The following DERA variants were observed in gnomAD, a reference collection of about 807,000 sequenced individuals.
The protein encoded by DERA is 2-deoxy-D-ribose 5-phosphate aldolase.
A neutral mutation model predicts 41.1 loss-of-function variants in DERA; 15 were observed. That is an observed-to-expected ratio of 0.37 (90% CI 0.24 to 0.56). The LOEUF is 0.56. Among genes scored for constraint, DERA ranks in the 20% least tolerant of loss-of-function variants. The pLI, the probability that DERA is intolerant of heterozygous loss-of-function variation, is 0.81. For missense variants in DERA, 396 were observed against 403.4 expected (o/e 0.98, Z 0.16); for synonymous variants, 139 against 137.4 (o/e 1.01, Z -0.08).
At position 15,928,909 on chromosome 12, in the gene DERA, G is replaced by T. The variant is rs1001529309; in HGVS notation, c.31+17495G>T. Among the ~76,000 whole-genome samples the T allele has an allele frequency of 6.6e-6, 1 of 152,146 alleles. No homozygotes were observed. Among genetic ancestry groups the T allele is most frequent in the African/African-American group, 2.4e-5 (1 of 41,426 alleles). On this transcript the variant is annotated intron_variant, in intron 1 of 8. Coordinates refer to ENST00000428559, the MANE Select transcript of DERA (RefSeq NM_015954.4). This position sits in a 1 kb window ranked among gnomAD's most constrained non-coding sequence, Gnocchi z 4.6. The stretch of plus-strand genomic sequence containing the variant: ...TGTCCATCATGGTTTTTGTACACTT[G>T]ACCTTACTTTTCTCAGCCTTCTAGA...
Position 15,962,887 on chromosome 12 carries a change from G to C in DERA, c.448G>C (p.Gly150Arg), listed in dbSNP as rs761420583. Residue 150 changes from glycine to arginine, a missense_variant, in exon 5 of 9, where the codon GGA becomes CGA. Transcript: ENST00000428559. Reference sequence around the variant, plus strand: ...AGAGATCAGATTGGCTGTGGAAGATGGAGCTACAGAAATCGACGTGGTAAT... The same window carrying C: ...AGAGATCAGATTGGCTGTGGAAGATCGAGCTACAGAAATCGACGTGGTAAT... ...LEEIRLAVED[G>R]ATEIDVVINR... 5 of 1,591,486 alleles carry C rather than the reference G, an allele frequency of 3.1e-6. No individual in the cohort carries two copies. In the Admixed American group the frequency reaches 8.8e-5, roughly 28 times the overall value.
Position 16,032,599 on chromosome 12 carries a change from T to A in DERA, c.695T>A (p.Val232Glu). ...GAAACAGTAAATGCCACCTTCCCGG[T>A]AGCTATAGTAATGCTGCGGGCCATT... ...GKETVNATFPVAIVMLRAIRD... is the reference protein window; with the variant it reads ...GKETVNATFPEAIVMLRAIRD... The change falls in exon 7 of 9, where the codon GTA (valine) becomes GAA (glutamate). Residue 232 changes from valine (V) to glutamate (E), a missense_variant. By Grantham distance (121) the Val-to-Glu change is moderately radical. Coordinates refer to ENST00000428559, the MANE Select transcript of DERA (RefSeq NM_015954.4). 1 of 1,567,692 alleles carries A rather than the reference T, an allele frequency of 6.4e-7. No homozygotes were observed. The highest frequency in any genetic ancestry group is 1.9e-5 in the Admixed American group (1 of 53,160).
In DERA at chr12:15,998,410, C is replaced by T. The variant is rs191545674; in HGVS notation, c.637+15974C>T. ...TTGGCTCACGGCAACCTCCGCCTTC[C>T]GGGTTCAAGCAGTTCTCCCGCCTCA... On this transcript the variant is annotated intron_variant, in intron 6 of 8. Transcript: ENST00000428559. This position sits in a 1 kb window ranked among gnomAD's most constrained non-coding sequence, Gnocchi z 4.8. Among the ~76,000 whole-genome samples, 260 of 152,188 alleles carry T rather than the reference C, an allele frequency of 1.7e-3. 2 individuals carry two copies. The highest frequency in any genetic ancestry group is 3.1e-3 in the Non-Finnish European group (209 of 68,022).
rs188763555 is a variant in DERA, at chr12:16,003,347, T to C, written c.637+20911T>C. Among the ~76,000 whole-genome samples the C allele has an allele frequency of 3.3e-5, 5 of 152,320 alleles. No homozygotes were observed. The East Asian group carries it at 5.8e-4, about 18-fold the overall frequency. On this transcript the variant is annotated intron_variant, in intron 6 of 8. Coordinates refer to ENST00000428559, the MANE Select transcript of DERA (RefSeq NM_015954.4). This position sits in a 1 kb window ranked among gnomAD's most constrained non-coding sequence, Gnocchi z 4.8. ...CTAATTATATCTGCAAGCACCCAGG[T>C]TCCAAATAAGGTCACATTCTTACAT...
In DERA at chr12:15,928,178, A is replaced by T. The variant is rs1776658652; in HGVS notation, c.31+16764A>T. On this transcript the variant is annotated intron_variant, in intron 1 of 8. Coordinates refer to ENST00000428559, the MANE Select transcript of DERA (RefSeq NM_015954.4). This position sits in a 1 kb window ranked among gnomAD's most constrained non-coding sequence, Gnocchi z 4.6. Reference sequence around the variant, plus strand: ...TACTCTCTTAGCCGTTTTGAAACATACATGAGTATTAACTGTAGCTACCAT... The same window carrying T: ...TACTCTCTTAGCCGTTTTGAAACATTCATGAGTATTAACTGTAGCTACCAT... Among the ~76,000 whole-genome samples the T allele has an allele frequency of 6.6e-6, 1 of 152,236 alleles. No homozygotes were observed. The highest frequency in any genetic ancestry group is 2.1e-4 in the South Asian group (1 of 4,830).
Position 16,036,760 on chromosome 12 carries a change from T to A in DERA, c.*14T>A, listed in dbSNP as rs2290979. The A allele has an allele frequency of 0.063, 98,083 of 1,559,114 alleles. 5,819 individuals carry two copies. Among genetic ancestry groups the A allele is most frequent in the East Asian group, 0.36 (15,370 of 42,724 alleles). On this transcript the variant is annotated 3_prime_UTR_variant, in exon 9 of 9. Coordinates refer to ENST00000428559, the MANE Select transcript of DERA (RefSeq NM_015954.4). This position sits in a 1 kb window ranked among gnomAD's most constrained non-coding sequence, Gnocchi z 4.9. The stretch of plus-strand genomic sequence containing the variant: ...CCAATGTCTTAAATCAGTCACCAGT[T>A]CCAGAAAAGTTCTTTACGACAATGT...
intron 1 of DERA, among the ~76,000 whole-genome samples, chr12:15,932,377 A>C (rs1012476956): frequency 1.3e-5 from 2 of 152,174 alleles, no homozygotes; most frequent in African/African-American, 4.8e-5. Flanking sequence ...TTGGCTGGAC[A>C]TGGTGGCTCA....
chr12:15,911,379 G>A lies in DERA; in HGVS notation c.-5G>A. 3 of 1,403,532 alleles carry A rather than the reference G, an allele frequency of 2.1e-6. No homozygotes were observed. The highest frequency in any genetic ancestry group is 3.1e-5 in the South Asian group (2 of 63,502). The allele number at this position is 1,403,532 out of a possible 1,614,324, so 86.9% of individuals were successfully genotyped here. The stretch of plus-strand genomic sequence containing the variant: ...CCAGCCGGCAGCTCCGGAGCTGCCC[G>A]CGCCATGTCCGCGCACAATCGGGGC... On this transcript the variant is annotated 5_prime_UTR_variant, in exon 1 of 9. Transcript: ENST00000428559. The surrounding 1 kb of genome is among the most constrained non-coding windows in gnomAD (Gnocchi z 4.5).
rs556384765 is a variant in DERA, at chr12:15,965,881, A to G, written c.508+2934A>G. 1.3e-5 allele frequency among the ~76,000 whole-genome samples: 2 copies of G among 151,868 alleles called. No individual in the cohort carries two copies. The highest frequency in any genetic ancestry group is 3.9e-4 in the East Asian group (2 of 5,148). On this transcript the variant is annotated intron_variant, in intron 5 of 8. Transcript: ENST00000428559. This position sits in a 1 kb window ranked among gnomAD's most constrained non-coding sequence, Gnocchi z 4.1. ...TTCCCTCGACTGTGCTGTGGCTCTCATCTCCCCCTGCATTTTCAGAAGCCC... is the reference window on the plus strand; with the variant it reads ...TTCCCTCGACTGTGCTGTGGCTCTCGTCTCCCCCTGCATTTTCAGAAGCCC...
chr12:15,951,687 T>G lies in DERA; in HGVS notation c.32-5249T>G, dbSNP rs184904058. 7.7e-4 allele frequency among the ~76,000 whole-genome samples: 117 copies of G among 152,342 alleles called. 1 individual carries two copies. Among genetic ancestry groups the G allele is most frequent in the East Asian group, 1.9e-4 (1 of 5,184 alleles). ...AATATATAACGTGAGAAAGTAGGAA[T>G]ATAATCTTACCTCTGAAGAAAAACA... On this transcript the variant is annotated intron_variant, in intron 1 of 8. Coordinates refer to ENST00000428559, the MANE Select transcript of DERA (RefSeq NM_015954.4).
At position 15,943,649 on chromosome 12, in the gene DERA, CAT is replaced by C. The variant is rs1374977969; in HGVS notation, c.32-13286_32-13285del. Reference sequence around the variant, plus strand: ...TCCACGAATGATCCTACCTGTATAACATGTGCTGTATCTTGACATTTTCTATT... The same window carrying C: ...TCCACGAATGATCCTACCTGTATAACGTGCTGTATCTTGACATTTTCTATT... On this transcript the variant is annotated intron_variant, in intron 1 of 8. Coordinates refer to ENST00000428559, the MANE Select transcript of DERA (RefSeq NM_015954.4). The surrounding 1 kb of genome is among the most constrained non-coding windows in gnomAD (Gnocchi z 4.5). Among the ~76,000 whole-genome samples the C allele has an allele frequency of 5.3e-5, 8 of 151,994 alleles. No homozygotes were observed. Among genetic ancestry groups the C allele is most frequent in the Non-Finnish European group, 1.0e-4 (7 of 67,970 alleles).
intron 6 of DERA, among the ~76,000 whole-genome samples, chr12:16,022,824 T>G (rs1949025441): frequency 6.6e-6 from 1 of 152,186 alleles, no homozygotes. Context: ...TACTGGAGGC[T>G]GAGTGTGGCC....
In DERA at chr12:15,984,856, T is replaced by C. The variant is rs557732838; in HGVS notation, c.637+2420T>C. Among the ~76,000 whole-genome samples the C allele has an allele frequency of 1.1e-4, 16 of 152,358 alleles. No individual in the cohort carries two copies. The South Asian group carries it at 3.3e-3, about 32-fold the overall frequency. ...GATGAACTTGAAATATTTTGAAATA[T>C]TTTTTATATTCTTGTCCCAATTTTA... On this transcript the variant is annotated intron_variant, in intron 6 of 8. Transcript: ENST00000428559. This position sits in a 1 kb window ranked among gnomAD's most constrained non-coding sequence, Gnocchi z 4.5.
intron 1 of DERA, among the ~76,000 whole-genome samples, chr12:15,916,968 GTTAAT>G (rs1948204989): frequency 6.6e-6 from 1 of 152,040 alleles, no homozygotes; most frequent in Non-Finnish European, 1.5e-5. Context: ...TGATAATTTT[GTTAAT>G]TTAGAGTGAC....
At chr12:15,919,619 T>A (rs531980799) in intron 1 of DERA, among the ~76,000 whole-genome samples, 2 of 152,320 alleles carry the variant, frequency 1.3e-5, no homozygotes, top group South Asian at 4.1e-4. Context: ...GCTGTAACAG[T>A]GAGTTCCCTA....
intron 6 of DERA, among the ~76,000 whole-genome samples, chr12:16,007,247 G>A (rs1374644700): frequency 3.3e-5 from 5 of 149,968 alleles, no homozygotes; most frequent in African/African-American, 4.9e-5. Context: ...GCAGTGGCGC[G>A]ATCTTGGCTC....
chr12:15,942,176 C>G (rs1020577667), intron 1 of DERA, among the ~76,000 whole-genome samples: 6 of 152,106 alleles, frequency 3.9e-5, no homozygotes, highest in Admixed American at 2.6e-4. Flanking sequence ...TGAGAAATGT[C>G]TATTTATGTC....
At chr12:15,942,730 T>C (rs1388520437) in intron 1 of DERA, among the ~76,000 whole-genome samples, 1 of 152,174 alleles carries the variant, frequency 6.6e-6, no homozygotes, top group Non-Finnish European at 1.5e-5. Flanking sequence ...GGTTTTCTTT[T>C]AGAGTGAAAC....
rs2136137265 is a variant in DERA, at chr12:15,943,103, C to A, written c.32-13833C>A. On this transcript the variant is annotated intron_variant, in intron 1 of 8. Coordinates refer to ENST00000428559, the MANE Select transcript of DERA (RefSeq NM_015954.4). This position sits in a 1 kb window ranked among gnomAD's most constrained non-coding sequence, Gnocchi z 4.5. ...AGTGTGTTCTAATCTGTAAACTCTT[C>A]CACACACTTACCTGAGGCTGTTTAT... Among the ~76,000 whole-genome samples the A allele has an allele frequency of 2.0e-5, 3 of 152,280 alleles. No individual in the cohort carries two copies. In the Middle Eastern group the frequency reaches 0.01, roughly 518 times the overall value.
Sources: gnomAD v4.1 joint callset for allele counts (sites outside exome capture counted in the v4.1 genomes callset) on GRCh38, gnomAD v4.1.1 for gene constraint, Gnocchi (gnomAD v3.1) non-coding constraint, MANE v1.5 for transcripts, NCBI Gene and HGNC (gene_info 2026-07-23, HGNC 2026-07-21) for gene names.